The following CREG2 variants were observed in gnomAD, a reference collection of about 807,000 sequenced individuals.
The protein encoded by CREG2 is cellular repressor of E1A stimulated genes 2.
In CREG2, 24 loss-of-function variants were observed where a neutral mutation model predicts 26.2. The observed-to-expected ratio is 0.92, with a 90% CI of 0.66 to 1.29. The LOEUF (loss-of-function observed/expected upper bound fraction) is 1.29, where lower values mean the gene tolerates loss of function less well. Among genes scored for constraint, CREG2 ranks in the 50% most tolerant of loss-of-function variants. CREG2 has a pLI of 0.00. For missense variants in CREG2, 366 were observed against 398.6 expected (o/e 0.92, Z 0.70); for synonymous variants, 174 against 169.2 (o/e 1.03, Z -0.22).
intron 2 of CREG2, among the ~76,000 whole-genome samples, chr2:101,370,859 G>A (rs1684692192): frequency 6.6e-6 from 1 of 152,196 alleles, no homozygotes; most frequent in South Asian, 2.1e-4. Context: ...GGTCACCCCA[G>A]GGCCCTCTTG....
At chr2:101,369,936 T>C (rs1187430030) in intron 2 of CREG2, among the ~76,000 whole-genome samples, 1 of 152,210 alleles carries the variant, frequency 6.6e-6, no homozygotes, top group African/African-American at 2.4e-5. Context: ...CTTCTGTGTT[T>C]TTGTTGGTTC....
At position 101,348,229 on chromosome 2, in the gene CREG2, A is replaced by G. The variant is rs1684330805; in HGVS notation, c.*2694T>C. Reference sequence around the variant, plus strand: ...TACATCATAACTCTATATTAAATAGAATGATTTCTCCTACCTTATTCTGCT... The same window carrying G: ...TACATCATAACTCTATATTAAATAGGATGATTTCTCCTACCTTATTCTGCT... On this transcript the variant is annotated 3_prime_UTR_variant, in exon 4 of 4. Coordinates refer to ENST00000324768, the MANE Select transcript of CREG2 (RefSeq NM_153836.4). 6.6e-6 allele frequency: 1 copy of G among 152,232 alleles called. No homozygotes were observed. The highest frequency in any genetic ancestry group is 2.4e-5 in the African/African-American group (1 of 41,466). 9.4% of individuals were successfully genotyped at this position (152,232 alleles called of 1,614,324 possible).
In CREG2 at chr2:101,383,703, C is replaced by A. The variant is rs1469747809; in HGVS notation, c.442-1G>T. On this transcript the variant is annotated splice_acceptor_variant, in intron 1 of 3. Transcript: ENST00000324768. LOFTEE classifies it high-confidence loss of function. Reference sequence around the variant, plus strand: ...AGTTCCCAAATGGCAGTCCTTGGATCTAACAAACACCAAAAAAGGCTTTTT... The same window carrying A: ...AGTTCCCAAATGGCAGTCCTTGGATATAACAAACACCAAAAAAGGCTTTTT... The A allele has an allele frequency of 6.3e-7, 1 of 1,593,678 alleles. No individual in the cohort carries two copies. The highest frequency in any genetic ancestry group is 8.5e-7 in the Non-Finnish European group (1 of 1,170,116).
chr2:101,353,031 G>T (rs4465784), intron 3 of CREG2, among the ~76,000 whole-genome samples: 102,398 of 152,114 alleles, frequency 0.67, 36,342 homozygotes, highest in South Asian at 0.78. Context: ...GGCAAACTTG[G>T]CAATGCTGTT....
In CREG2 at chr2:101,348,040, C is replaced by T. The variant is rs1684329144; in HGVS notation, c.*2883G>A. On this transcript the variant is annotated 3_prime_UTR_variant, in exon 4 of 4. Coordinates refer to ENST00000324768, the MANE Select transcript of CREG2 (RefSeq NM_153836.4). ...ATTTTCCTATGGATGTCCACTTACT[C>T]CACACTTATTGAAAAGGCTATCCTC... The T allele has an allele frequency of 6.6e-6, 1 of 152,184 alleles. No homozygotes were observed. 9.4% of individuals were successfully genotyped at this position (152,184 alleles called of 1,614,324 possible). A position where few individuals can be genotyped will look rare whatever the true frequency, so the allele number is the denominator to read the frequency against.
chr2:101,382,591 T>C (rs1684893424), intron 2 of CREG2: 2 of 985,330 alleles, frequency 2.0e-6, no homozygotes, highest in Middle Eastern at 5.2e-4. Context: ...CAGGGTCAGC[T>C]GAAGTGTCTC....
chr2:101,372,546 G>C (rs1684724985), intron 2 of CREG2, among the ~76,000 whole-genome samples: 1 of 152,020 alleles, frequency 6.6e-6, no homozygotes, highest in Admixed American at 6.5e-5. Context: ...ACACTTCTTT[G>C]TCATCTCAGG....
chr2:101,361,833 C>T (rs555246730), intron 2 of CREG2, among the ~76,000 whole-genome samples: 1 of 152,174 alleles, frequency 6.6e-6, no homozygotes, highest in Non-Finnish European at 1.5e-5. Flanking sequence ...AAATGCAGCA[C>T]CAGCTAGGCA....
At chr2:101,381,749 C>T (rs919513614) in intron 2 of CREG2, among the ~76,000 whole-genome samples, 6 of 152,196 alleles carry the variant, frequency 3.9e-5, no homozygotes, top group African/African-American at 2.4e-5. Flanking sequence ...CCCTTGGCCC[C>T]GGGGTGCTCA....
At chr2:101,381,807 G>T (rs550419083) in intron 2 of CREG2, among the ~76,000 whole-genome samples, 1 of 152,296 alleles carries the variant, frequency 6.6e-6, no homozygotes, top group South Asian at 2.1e-4. Flanking sequence ...GGCTGCACAG[G>T]TGTTTGCGTG....
Position 101,387,450 on chromosome 2 carries a change from A to G in CREG2, c.8T>C (p.Val3Ala). 8.4e-7 allele frequency: 1 copy of G among 1,196,740 alleles called. No individual in the cohort carries two copies. Among genetic ancestry groups the G allele is most frequent in the Non-Finnish European group, 1.1e-6 (1 of 951,572 alleles). The allele number at this position is 1,196,740 out of a possible 1,614,324, so 74.1% of individuals were successfully genotyped here. The change falls in exon 1 of 4, where the codon GTG becomes GCG. Residue 3 changes from valine to alanine, a missense_variant. Val to Ala is a moderately conservative substitution (Grantham distance 64). Transcript: ENST00000324768. The surrounding 1 kb of genome is among the most constrained non-coding windows in gnomAD (Gnocchi z 4.7). The part of the protein sequence containing the change: MS[V>A]RRGRRPARPG... ...CCGCGCCGGCCGCCGGCCGCGGCGCACGGACATCTTGCAGGCAGCACGCCC... is the reference window on the plus strand; with the variant it reads ...CCGCGCCGGCCGCCGGCCGCGGCGCGCGGACATCTTGCAGGCAGCACGCCC...
At chr2:101,352,773 A>T (rs1169533830) in intron 3 of CREG2, among the ~76,000 whole-genome samples, 1 of 152,108 alleles carries the variant, frequency 6.6e-6, no homozygotes, top group Non-Finnish European at 1.5e-5. Flanking sequence ...ATGCCACTGC[A>T]CTCCAGCCTG....
rs951232272 is a variant in CREG2, at chr2:101,347,647, C to T, written c.*3276G>A. On this transcript the variant is annotated 3_prime_UTR_variant, in exon 4 of 4. Coordinates refer to ENST00000324768, the MANE Select transcript of CREG2 (RefSeq NM_153836.4). Reference sequence around the variant, plus strand: ...TATCCTCTGCAGTGAAATGTCTGTTCATGTGCTCCATTTTCTAATTAGAAT... The same window carrying T: ...TATCCTCTGCAGTGAAATGTCTGTTTATGTGCTCCATTTTCTAATTAGAAT... The T allele has an allele frequency of 6.6e-6, 1 of 152,092 alleles. No homozygotes were observed. The highest frequency in any genetic ancestry group is 1.5e-5 in the Non-Finnish European group (1 of 68,010). 9.4% of individuals were successfully genotyped at this position (152,092 alleles called of 1,614,324 possible). A position where few individuals can be genotyped will look rare whatever the true frequency, so the allele number is the denominator to read the frequency against.
chr2:101,364,591 G>A (rs1684593390), intron 2 of CREG2, among the ~76,000 whole-genome samples: 1 of 152,184 alleles, frequency 6.6e-6, no homozygotes, highest in South Asian at 2.1e-4. Flanking sequence ...GGAACGTTTA[G>A]GTTTGTTCTT....
intron 1 of CREG2, 96 bp downstream of exon 1, chr2:101,386,921 A>C: frequency 1.7e-6 from 2 of 1,172,846 alleles, no homozygotes; most frequent in Non-Finnish European, 2.1e-6. Context: ...GTGGACCCGG[A>C]TCTCAGTCCC....
At chr2:101,375,723 A>G in intron 2 of CREG2, 1 of 166,434 alleles carries the variant, frequency 6.0e-6, no homozygotes, top group Non-Finnish European at 1.3e-5. Flanking sequence ...GGTGCGGCAC[A>G]TTCACCTGAC....
chr2:101,363,392 T>C (rs940781136), intron 2 of CREG2, among the ~76,000 whole-genome samples: 2 of 152,246 alleles, frequency 1.3e-5, no homozygotes, highest in Non-Finnish European at 2.9e-5. Flanking sequence ...AGATAAGTAG[T>C]CCTTCTCTTG....
rs951198194 is a variant in CREG2, at chr2:101,349,626, A to G, written c.*1297T>C. On this transcript the variant is annotated 3_prime_UTR_variant, in exon 4 of 4. Coordinates refer to ENST00000324768, the MANE Select transcript of CREG2 (RefSeq NM_153836.4). ...GTCTTAGATATATATACATAGGTCC[A>G]TGTAGACCTTAGAAGTGTACACAGG... 6.6e-6 allele frequency: 1 copy of G among 152,514 alleles called. No individual in the cohort carries two copies. The highest frequency in any genetic ancestry group is 2.4e-5 in the African/African-American group (1 of 41,446). 9.4% of individuals were successfully genotyped at this position (152,514 alleles called of 1,614,324 possible).
At chr2:101,368,067 T>C (rs1018222890) in intron 2 of CREG2, among the ~76,000 whole-genome samples, 1 of 152,082 alleles carries the variant, frequency 6.6e-6, no homozygotes, top group Non-Finnish European at 1.5e-5. Context: ...GGTGAGCAGA[T>C]CACGAGGTCA....
Sources: gnomAD v4.1 joint callset for allele counts (sites outside exome capture counted in the v4.1 genomes callset) on GRCh38, gnomAD v4.1.1 for gene constraint, Gnocchi (gnomAD v3.1) non-coding constraint, MANE v1.5 for transcripts, NCBI Gene and HGNC (gene_info 2026-07-23, HGNC 2026-07-21) for gene names.